The following QTMAN variants were observed in gnomAD, a reference collection of about 807,000 sequenced individuals.
QTMAN encodes queuosine-tRNA mannosyltransferase.
At chr2:144,106,647 A>G in the QTMAN span, among the ~76,000 whole-genome samples, 1 of 152,220 alleles carries the variant, frequency 6.6e-6, no homozygotes, top group African/African-American at 2.4e-5. Flanking sequence ...ACTCCCACAC[A>G]ATAATAATGG....
the QTMAN span, among the ~76,000 whole-genome samples, chr2:144,303,516 A>G: frequency 4.6e-5 from 7 of 152,360 alleles, no homozygotes; most frequent in East Asian, 7.7e-4. Context: ...TCTAAAGCAC[A>G]TAAGTCTGCA....
the QTMAN span, among the ~76,000 whole-genome samples, chr2:143,969,893 T>C: frequency 6.6e-6 from 1 of 152,212 alleles, no homozygotes; most frequent in African/African-American, 2.4e-5. Flanking sequence ...GAAAGTAAAC[T>C]TTAGGTGTTC....
the QTMAN span, among the ~76,000 whole-genome samples, chr2:144,046,065 T>C: frequency 6.6e-6 from 1 of 152,224 alleles, no homozygotes; most frequent in Non-Finnish European, 1.5e-5. Context: ...AGTGAAGGCC[T>C]GTCCTCTAGA....
the QTMAN span, among the ~76,000 whole-genome samples, chr2:144,103,302 A>G: frequency 2.6e-5 from 4 of 152,236 alleles, no homozygotes; most frequent in African/African-American, 9.6e-5. Flanking sequence ...GCCGGGGGCC[A>G]CTGGAGCACA....
chr2:143,995,475 G>A, the QTMAN span, among the ~76,000 whole-genome samples: 1 of 152,128 alleles, frequency 6.6e-6, no homozygotes, highest in African/African-American at 2.4e-5. Context: ...CAGGAACTGT[G>A]CTAACGCAAT....
chr2:144,305,079 T>C, the QTMAN span, among the ~76,000 whole-genome samples: 2 of 149,196 alleles, frequency 1.3e-5, no homozygotes, highest in African/African-American at 5.2e-5. Context: ...TGATAGTGTC[T>C]TTTAAAGTAT....
the QTMAN span, among the ~76,000 whole-genome samples, chr2:144,166,809 T>C: frequency 6.6e-6 from 1 of 152,198 alleles, no homozygotes; most frequent in Non-Finnish European, 1.5e-5. Context: ...ACAAATGAGT[T>C]CCTAGTTCCC....
At chr2:143,950,273 G>A in the QTMAN span, among the ~76,000 whole-genome samples, 1 of 151,716 alleles carries the variant, frequency 6.6e-6, no homozygotes, top group African/African-American at 2.4e-5. Context: ...TAAACTGTGT[G>A]AGGAACAATT....
the QTMAN span, among the ~76,000 whole-genome samples, chr2:143,995,764 T>C: frequency 1.3e-5 from 2 of 152,196 alleles, no homozygotes; most frequent in Non-Finnish European, 2.9e-5. Context: ...GAATTGTACA[T>C]ATCTACGCTG....
the QTMAN span, among the ~76,000 whole-genome samples, chr2:144,255,310 C>G: frequency 2.6e-5 from 4 of 152,096 alleles, no homozygotes; most frequent in African/African-American, 9.7e-5. Flanking sequence ...CAGTTACCCC[C>G]ATGCTGTTCT....
At chr2:144,227,409 G>A in the QTMAN span, among the ~76,000 whole-genome samples, 1 of 152,056 alleles carries the variant, frequency 6.6e-6, no homozygotes, top group Admixed American at 6.5e-5. Context: ...TTATTACACT[G>A]ATGTCCCCTT....
the QTMAN span, among the ~76,000 whole-genome samples, chr2:143,982,973 T>C: frequency 1.3e-4 from 20 of 152,082 alleles, no homozygotes; most frequent in Admixed American, 1.0e-3. Flanking sequence ...TAGAGATGTA[T>C]ATAAACCAAC....
At chr2:144,307,022 G>A in the QTMAN span, among the ~76,000 whole-genome samples, 12 of 151,728 alleles carry the variant, frequency 7.9e-5, no homozygotes, top group South Asian at 2.1e-4. Context: ...TTAGCTGGGC[G>A]TGGTGGTGCA....
At chr2:144,257,861 A>G in the QTMAN span, among the ~76,000 whole-genome samples, 1 of 152,236 alleles carries the variant, frequency 6.6e-6, no homozygotes, top group Non-Finnish European at 1.5e-5. Flanking sequence ...TAAGAAAAAA[A>G]CTGTCAACAG....
the QTMAN span, among the ~76,000 whole-genome samples, chr2:143,951,482 C>A: frequency 6.6e-6 from 1 of 151,416 alleles, no homozygotes; most frequent in Non-Finnish European, 1.5e-5. Context: ...TTTTTTATGT[C>A]ATTTTTATTA....
the QTMAN span, among the ~76,000 whole-genome samples, chr2:144,222,070 T>C: frequency 6.6e-6 from 1 of 152,076 alleles, no homozygotes; most frequent in African/African-American, 2.4e-5. Flanking sequence ...GTTTTTTGTT[T>C]TTTTTTTGAG....
the QTMAN span, among the ~76,000 whole-genome samples, chr2:144,026,279 C>T: frequency 2.0e-5 from 3 of 151,976 alleles, no homozygotes; most frequent in Non-Finnish European, 4.4e-5. Context: ...ACTAAAAATA[C>T]AAAAAATTAG....
At chr2:144,309,004 A>G in the QTMAN span, among the ~76,000 whole-genome samples, 2 of 152,224 alleles carry the variant, frequency 1.3e-5, no homozygotes, top group Non-Finnish European at 2.9e-5. Flanking sequence ...TAAATGGCCA[A>G]TGAATAAATG....
chr2:144,117,371 T>G, the QTMAN span, among the ~76,000 whole-genome samples: 3 of 152,212 alleles, frequency 2.0e-5, no homozygotes, highest in Admixed American at 2.0e-4. Flanking sequence ...GTCTGTCAAC[T>G]CTAGCCATTT....
Sources: gnomAD v4.1 joint callset for allele counts (sites outside exome capture counted in the v4.1 genomes callset) on GRCh38, gnomAD v4.1.1 for gene constraint, MANE v1.5 for transcripts, NCBI Gene and HGNC (gene_info 2026-07-23, HGNC 2026-07-21) for gene names.